RASGRF2: variants seen among roughly 807,000 people sequenced by gnomAD.
The protein encoded by RASGRF2 is Ras protein specific guanine nucleotide releasing factor 2.
A neutral mutation model predicts 151.0 loss-of-function variants in RASGRF2; 76 were observed. That is an observed-to-expected ratio of 0.50 (90% confidence interval 0.42 to 0.61). RASGRF2 has a LOEUF of 0.61. Among genes scored for constraint, RASGRF2 ranks in the 20% least tolerant of loss-of-function variants. The pLI is 0.00. For missense variants in RASGRF2, 1,148 were observed against 1,564.6 expected (o/e 0.73, Z 4.49); for synonymous variants, 504 against 566.5 (o/e 0.89, Z 1.57).
intron 26 of RASGRF2, chr5:81,223,173 A>G (rs1162280883): frequency 1.3e-5 from 2 of 152,236 alleles, no homozygotes; most frequent in African/African-American, 4.8e-5. Context: ...CTATAAATTC[A>G]TTGAAATCCT....
Position 81,092,839 on chromosome 5 carries a change from C to G in RASGRF2, c.1429C>G (p.Leu477Val). ...AGTACCTTCCGTTGAGAGGGGGAAA[C>G]TTAGTAAAGTTCGCCTGGGTTCGTT... is the stretch of plus-strand genomic sequence containing the variant. ...IQVPSVERGK[L>V]SKVRLGSLSL... The change falls in exon 10 of 27, where the codon CTT becomes GTT. Residue 477 changes from leucine to valine, a missense_variant. Coordinates refer to ENST00000265080, the MANE Select transcript of RASGRF2 (RefSeq NM_006909.3). 6.2e-7 allele frequency: 1 copy of G among 1,613,614 alleles called. No homozygotes were observed. Among genetic ancestry groups the G allele is most frequent in the Non-Finnish European group, 8.5e-7 (1 of 1,179,614 alleles).
rs2112760933 is a variant in RASGRF2, at chr5:81,226,516, TAAGAAGCCAGCCCTTTTG to T, written c.*747_*764del. ...AGCTTTTCCTTGAGACTGTTGGTCCTAAGAAGCCAGCCCTTTTGGAGAGGCAGCTGCAAAAAGGTGCAC... is the reference window on the plus strand; with the variant it reads ...AGCTTTTCCTTGAGACTGTTGGTCCTGAGAGGCAGCTGCAAAAAGGTGCAC... On this transcript the variant is annotated 3_prime_UTR_variant, in exon 27 of 27. Transcript: ENST00000265080. The T allele has an allele frequency of 6.6e-6, 1 of 152,310 alleles. No individual in the cohort carries two copies. The highest frequency in any genetic ancestry group is 2.1e-4 in the South Asian group (1 of 4,824). The allele number at this position is 152,310 out of a possible 1,614,324, so 9.4% of individuals were successfully genotyped here.
At chr5:81,217,119 G>T in intron 24 of RASGRF2, 1 of 522,436 alleles carries the variant, frequency 1.9e-6, no homozygotes, top group Non-Finnish European at 3.3e-6. Context: ...CCTGTTGTTT[G>T]AATATGCCAT....
Position 81,066,537 on chromosome 5 carries a change from G to A in RASGRF2, c.396-1495G>A, listed in dbSNP as rs553420819. ...CTAAAATTGTGTTCCAGCGTCATGA[G>A]GGCCTGGCACCAGGAACTAGAAAGC... On this transcript the variant is annotated intron_variant, in intron 2 of 26. Coordinates refer to ENST00000265080, the MANE Select transcript of RASGRF2 (RefSeq NM_006909.3). Among the ~76,000 whole-genome samples the A allele has an allele frequency of 9.9e-5, 15 of 152,260 alleles. 1 individual carries two copies. Among genetic ancestry groups the A allele is most frequent in the African/African-American group, 3.1e-4 (13 of 41,552 alleles).
intron 5 of RASGRF2, among the ~76,000 whole-genome samples, chr5:81,079,340 G>A (rs16878414): frequency 0.11 from 16,241 of 152,116 alleles, 1,143 homozygotes; most frequent in African/African-American, 0.19. Context: ...GTTTTATTTC[G>A]TGGACCATTT....
In RASGRF2 at chr5:81,100,361, A is replaced by G. The variant is rs546029058; in HGVS notation, c.1755+5369A>G. Among the ~76,000 whole-genome samples, 293 of 152,290 alleles carry G rather than the reference A, an allele frequency of 1.9e-3. 1 individual carries two copies. The highest frequency in any genetic ancestry group is 3.1e-3 in the Non-Finnish European group (211 of 68,012). ...ATCCCAGTTTCCCATAAGAAACTCT[A>G]CAAAACTTAAGACTTTTAGCTTTGC... On this transcript the variant is annotated intron_variant, in intron 12 of 26. Coordinates refer to ENST00000265080, the MANE Select transcript of RASGRF2 (RefSeq NM_006909.3).
intron 3 of RASGRF2, among the ~76,000 whole-genome samples, chr5:81,068,881 C>T (rs1751692227): frequency 6.6e-6 from 1 of 152,150 alleles, no homozygotes; most frequent in Non-Finnish European, 1.5e-5. Flanking sequence ...GTACCTTTCC[C>T]GCTGTCCTAT....
chr5:81,061,090 C>G (rs927976061), intron 2 of RASGRF2, among the ~76,000 whole-genome samples: 10 of 151,504 alleles, frequency 6.6e-5, no homozygotes, highest in African/African-American at 2.4e-4. Context: ...TGGGTATGTG[C>G]CATTATGTTA....
chr5:81,197,462 CAAAAAA>C (rs10674027), intron 18 of RASGRF2, among the ~76,000 whole-genome samples: 33 of 63,718 alleles, frequency 5.2e-4, no homozygotes, highest in South Asian at 1.6e-3. Flanking sequence ...GACTCCGTCT[CAAAAAA>C]AAAAAAAAAA....
chr5:81,051,193 C>G (rs1414533760), intron 2 of RASGRF2, among the ~76,000 whole-genome samples: 2 of 152,018 alleles, frequency 1.3e-5, no homozygotes, highest in Admixed American at 1.3e-4. Flanking sequence ...TCAAATCACC[C>G]TGCATCATTT....
intron 17 of RASGRF2, among the ~76,000 whole-genome samples, chr5:81,130,546 C>T (rs1753589177): frequency 6.6e-6 from 1 of 152,060 alleles, no homozygotes; most frequent in Admixed American, 6.6e-5. Context: ...GTACTCAGAG[C>T]AGAAACAGGG....
intron 17 of RASGRF2, among the ~76,000 whole-genome samples, chr5:81,166,673 A>C (rs576545991): frequency 1.3e-5 from 2 of 152,178 alleles, no homozygotes; most frequent in South Asian, 4.2e-4. Flanking sequence ...GGGAGGGACG[A>C]AGGGCTGGTA....
chr5:81,128,412 A>G lies in RASGRF2; in HGVS notation c.2686+1249A>G, dbSNP rs1016602409. 3.9e-5 allele frequency among the ~76,000 whole-genome samples: 6 copies of G among 152,290 alleles called. No homozygotes were observed. The East Asian group carries it at 9.6e-4, about 24-fold the overall frequency. On this transcript the variant is annotated intron_variant, in intron 17 of 26. Coordinates refer to ENST00000265080, the MANE Select transcript of RASGRF2 (RefSeq NM_006909.3). ...AGGCATATACAATAAAAAATAATCA[A>G]ATAAATAAATAAGCAAAAGCTCCTT...
At chr5:81,193,278 G>A (rs192556401) in intron 18 of RASGRF2, among the ~76,000 whole-genome samples, 153 of 152,298 alleles carry the variant, frequency 1.0e-3, no homozygotes, top group Non-Finnish European at 1.8e-3. Flanking sequence ...ACAGGGATTC[G>A]TTTTAAAGTG....
intron 2 of RASGRF2, among the ~76,000 whole-genome samples, chr5:81,049,318 A>T (rs1441148242): frequency 3.3e-5 from 5 of 152,134 alleles, no homozygotes; most frequent in African/African-American, 1.2e-4. Context: ...GTATATTTGC[A>T]TATGGATAGA....
intron 17 of RASGRF2, among the ~76,000 whole-genome samples, chr5:81,133,318 T>C (rs1753671495): frequency 6.6e-6 from 1 of 152,214 alleles, no homozygotes; most frequent in South Asian, 2.1e-4. Flanking sequence ...AGGATAGGAC[T>C]GAAACAAAGG....
At chr5:81,011,160 A>C (rs567367) in intron 1 of RASGRF2, among the ~76,000 whole-genome samples, 126,507 of 152,086 alleles carry the variant, frequency 0.83, 53,160 homozygotes, top group Middle Eastern at 0.93. Flanking sequence ...TGGTATATTT[A>C]CTTCCAGTTA....
intron 18 of RASGRF2, among the ~76,000 whole-genome samples, chr5:81,182,631 T>C (rs1754943984): frequency 6.6e-6 from 1 of 152,148 alleles, no homozygotes. Context: ...TGGTGATGGA[T>C]TGGTAAATGG....
intron 1 of RASGRF2, among the ~76,000 whole-genome samples, chr5:81,005,987 G>T (rs903619978): frequency 6.6e-6 from 1 of 152,142 alleles, no homozygotes; most frequent in African/African-American, 2.4e-5. Flanking sequence ...CTTTAAGGTC[G>T]CTTCCAAGTT....
Sources: allele counts gnomAD v4.1 joint callset (sites outside exome capture counted in the v4.1 genomes callset), GRCh38; gene constraint gnomAD v4.1.1; transcripts MANE v1.5; gene names NCBI Gene and HGNC (gene_info 2026-07-23, HGNC 2026-07-21).